The following PPIAL4G variants were observed in gnomAD, a reference collection of about 807,000 sequenced individuals.
PPIAL4G encodes the protein peptidyl-prolyl cis-trans isomerase A-like 4G.
In PPIAL4G, 3 loss-of-function variants were observed where a neutral mutation model predicts 7.8. The ratio of observed to expected loss-of-function variants is 0.39; its 90% CI spans 0.18 to 1.00. The LOEUF (loss-of-function observed/expected upper bound fraction) is 1.00. Ranked by LOEUF, PPIAL4G falls within the 50% of genes least tolerant of loss-of-function variation. PPIAL4G has a pLI of 0.37. For missense variants in PPIAL4G, 133 were observed against 208.6 expected (o/e 0.64, Z 2.23); for synonymous variants, 42 against 73.3 (o/e 0.57, Z 2.18).
Position 148,483,098 on chromosome 1 carries a change from C to A in PPIAL4G, c.155G>T (p.Cys52Phe). 1.9e-6 allele frequency: 3 copies of A among 1,613,404 alleles called. No homozygotes were observed. The highest frequency in any genetic ancestry group is 2.5e-6 in the Non-Finnish European group (3 of 1,179,872). Residue 52 changes from cysteine to phenylalanine, a missense_variant, in exon 1 of 1, where the codon TGC (cysteine) becomes TTC (phenylalanine). Cys to Phe is a radical substitution (Grantham distance 205). This residue lies in a region of PPIAL4G where 105 missense variants were observed against 107.1 expected (regional missense o/e 0.98). Transcript: ENST00000419275. Reference sequence around the variant, plus strand: ...AAACCCTGGAATAATTCTGTGAAAGCAGGAACCCTTATAACGAAATCCTTT... The same window carrying A: ...AAACCCTGGAATAATTCTGTGAAAGAAGGAACCCTTATAACGAAATCCTTT... ...GEKGFRYKGSCFHRIIPGFMC... is the reference protein window; with the variant it reads ...GEKGFRYKGSFFHRIIPGFMC...
At position 148,482,598 on chromosome 1, in the gene PPIAL4G, C is replaced by G. The variant is rs1553321399; in HGVS notation, c.*160G>C. ...TCATAAACTTAACTCTGCAATCCAG[C>G]TAGGCATGGAAGGGAACAAGGAAAA... On this transcript the variant is annotated 3_prime_UTR_variant, in exon 1 of 1. Transcript: ENST00000419275. 3 of 1,287,076 alleles carry G rather than the reference C, an allele frequency of 2.3e-6. No homozygotes were observed. The highest frequency in any genetic ancestry group is 3.2e-6 in the Non-Finnish European group (3 of 943,736). 79.7% of individuals were successfully genotyped at this position (1,287,076 alleles called of 1,614,324 possible).
In PPIAL4G at chr1:148,482,578, A is replaced by T; in HGVS notation, c.*180T>A. On this transcript the variant is annotated 3_prime_UTR_variant, in exon 1 of 1. Transcript: ENST00000419275. ...ACTTAGTTTTTATTTCATAATCATA[A>T]ACTTAACTCTGCAATCCAGCTAGGC... The T allele has an allele frequency of 7.5e-7, 1 of 1,336,296 alleles. No individual in the cohort carries two copies. Among genetic ancestry groups the T allele is most frequent in the East Asian group, 2.3e-5 (1 of 43,002 alleles). The allele number at this position is 1,336,296 out of a possible 1,614,324, so 82.8% of individuals were successfully genotyped here.
Position 148,483,182 on chromosome 1 carries a change from T to A in PPIAL4G, c.71A>T (p.Gln24Leu), listed in dbSNP as rs6604516. 1.9e-4 allele frequency: 314 copies of A among 1,613,600 alleles called. 2 individuals carry two copies. The African/African-American group carries it at 3.4e-3, about 17-fold the overall frequency. Reference protein sequence around the residue: ...GKPLGRISIKQFADKIPKTAE... With the variant: ...GKPLGRISIKLFADKIPKTAE... ...TGTCTTTGGAATCTTGTCTGCAAAC[T>A]GTTTGATGGAGATGCGGCCCAAGGG... The change falls in exon 1 of 1, where the codon CAG (glutamine) becomes CTG (leucine). Residue 24 changes from glutamine (Q) to leucine (L), a missense_variant. By Grantham distance (113) the Gln-to-Leu change is moderately radical (BLOSUM62 -2). Around this residue, in one of 2 missense-constraint regions of PPIAL4G, gnomAD observed 105 missense variants for 107.1 expected, o/e 0.98. Coordinates refer to ENST00000419275, the MANE Select transcript of PPIAL4G (RefSeq NM_001123068.3).
rs782191172 is a variant in PPIAL4G at position 148,483,060 on chromosome 1, C to A, written c.193G>T (p.Gly65Cys). 1.2e-6 allele frequency: 2 copies of A among 1,613,286 alleles called. No individual in the cohort carries two copies. Among genetic ancestry groups the A allele is most frequent in the Non-Finnish European group, 1.7e-6 (2 of 1,179,874 alleles). ...GTGCCATTAGGGTGTGTGAAGTCAC[C>A]ACCCTGACACATAAACCCTGGAATA... ...RIIPGFMCQG[G>C]DFTHPNGTGD... Residue 65 changes from glycine to cysteine, a missense_variant, in exon 1 of 1, where the codon GGT becomes TGT. By Grantham distance (159) the Gly-to-Cys change is radical. This residue lies in a region of PPIAL4G where 105 missense variants were observed against 107.1 expected (regional missense o/e 0.98). Coordinates refer to ENST00000419275, the MANE Select transcript of PPIAL4G (RefSeq NM_001123068.3).
In PPIAL4G at chr1:148,483,031, AC is replaced by A. The variant is rs1651923830; in HGVS notation, c.221del (p.Gly74ValfsTer59). 1 of 1,612,990 alleles carries A rather than the reference AC, an allele frequency of 6.2e-7. No homozygotes were observed. The highest frequency in any genetic ancestry group is 1.3e-5 in the African/African-American group (1 of 74,860). On this transcript the variant is annotated frameshift_variant, in exon 1 of 1. Coordinates refer to ENST00000419275, the MANE Select transcript of PPIAL4G (RefSeq NM_001123068.3). LOFTEE classifies it high-confidence loss of function. ...GGDFTHPNGTGDKSIYGEKFD... is the reference protein window; with the variant it reads ...GGDFTHPNGTXDKSIYGEKFD... ...ATTTCTCCCCATAGATGGACTTGTC[AC>A]CGGTGCCATTAGGGTGTGTGAAGTC... is the stretch of plus-strand genomic sequence containing the variant.
At position 148,483,046 on chromosome 1, in the gene PPIAL4G, G is replaced by A. The variant is rs1394926657; in HGVS notation, c.207C>T (p.His69=). 25 of 1,613,176 alleles carry A rather than the reference G, an allele frequency of 1.5e-5. No homozygotes were observed. Among genetic ancestry groups the A allele is most frequent in the Non-Finnish European group, 2.1e-5 (25 of 1,179,884 alleles). The part of the protein sequence containing the change: ...GFMCQGGDFT[H]PNGTGDKSIY... ...TGGACTTGTCACCGGTGCCATTAGG[G>A]TGTGTGAAGTCACCACCCTGACACA... The change falls in exon 1 of 1, where the codon CAC becomes CAT. Residue 69 remains histidine (H), a synonymous_variant. Coordinates refer to ENST00000419275, the MANE Select transcript of PPIAL4G (RefSeq NM_001123068.3).
chr1:148,483,024 A>G lies in PPIAL4G; in HGVS notation c.229T>C (p.Ser77Pro), dbSNP rs1181336776. The G allele has an allele frequency of 7.8e-5, 126 of 1,612,886 alleles. No homozygotes were observed. The highest frequency in any genetic ancestry group is 5.6e-4 in the Middle Eastern group (3 of 5,370). Reference protein sequence around the residue: ...FTHPNGTGDKSIYGEKFDDEN... With the variant: ...FTHPNGTGDKPIYGEKFDDEN... ...TCATCAAATTTCTCCCCATAGATGG[A>G]CTTGTCACCGGTGCCATTAGGGTGT... Residue 77 changes from serine to proline, a missense_variant, in exon 1 of 1, where the codon TCC becomes CCC. This residue lies in a region of PPIAL4G where 105 missense variants were observed against 107.1 expected (regional missense o/e 0.98). Coordinates refer to ENST00000419275, the MANE Select transcript of PPIAL4G (RefSeq NM_001123068.3).
At position 148,483,282 on chromosome 1, in the gene PPIAL4G, C is replaced by T. The variant is rs7513869; in HGVS notation, c.-30G>A. ...GATAGTACAGGGCTCACAGCGATGG[C>T]GGCGTCTGCAAAGATAACCACTGAT... On this transcript the variant is annotated 5_prime_UTR_variant, in exon 1 of 1. Transcript: ENST00000419275. The T allele has an allele frequency of 1.0e-4, 165 of 1,612,994 alleles. No homozygotes were observed. The highest frequency in any genetic ancestry group is 1.2e-4 in the Non-Finnish European group (139 of 1,179,898).
In PPIAL4G at chr1:148,483,260, A is replaced by G; in HGVS notation, c.-8T>C. 1.2e-6 allele frequency: 2 copies of G among 1,613,606 alleles called. No individual in the cohort carries two copies. The highest frequency in any genetic ancestry group is 1.1e-5 in the South Asian group (1 of 91,054). On this transcript the variant is annotated 5_prime_UTR_variant, in exon 1 of 1. Transcript: ENST00000419275. ...GATGACGGAGTTGACCATGGCTGAT[A>G]GTACAGGGCTCACAGCGATGGCGGC...
Position 148,483,293 on chromosome 1 carries a change from A to G in PPIAL4G, c.-41T>C. ...GCTCACAGCGATGGCGGCGTCTGCA[A>G]AGATAACCACTGATCTTTTTACTGT... On this transcript the variant is annotated 5_prime_UTR_variant, in exon 1 of 1. Coordinates refer to ENST00000419275, the MANE Select transcript of PPIAL4G (RefSeq NM_001123068.3). 1 of 1,612,786 alleles carries G rather than the reference A, an allele frequency of 6.2e-7. No individual in the cohort carries two copies. Among genetic ancestry groups the G allele is most frequent in the Middle Eastern group, 2.0e-4 (1 of 5,070 alleles).
In PPIAL4G at chr1:148,483,253, G is replaced by A; in HGVS notation, c.-1C>T. Reference sequence around the variant, plus strand: ...CAAAAAAGATGACGGAGTTGACCATGGCTGATAGTACAGGGCTCACAGCGA... The same window carrying A: ...CAAAAAAGATGACGGAGTTGACCATAGCTGATAGTACAGGGCTCACAGCGA... On this transcript the variant is annotated 5_prime_UTR_variant, in exon 1 of 1. Transcript: ENST00000419275. 6.2e-7 allele frequency: 1 copy of A among 1,613,648 alleles called. No homozygotes were observed. The highest frequency in any genetic ancestry group is 8.5e-7 in the Non-Finnish European group (1 of 1,179,902).
chr1:148,483,059 C>T lies in PPIAL4G; in HGVS notation c.194G>A (p.Gly65Asp), dbSNP rs1427007247. Residue 65 changes from glycine (G) to aspartate (D), a missense_variant, in exon 1 of 1, where the codon GGT (glycine) becomes GAT (aspartate). Physicochemically the swap from Gly to Asp is moderately conservative, Grantham distance 94 (BLOSUM62 -1). Transcript: ENST00000419275. Reference protein sequence around the residue: ...RIIPGFMCQGGDFTHPNGTGD... With the variant: ...RIIPGFMCQGDDFTHPNGTGD... The stretch of plus-strand genomic sequence containing the variant: ...GGTGCCATTAGGGTGTGTGAAGTCA[C>T]CACCCTGACACATAAACCCTGGAAT... 2 of 1,613,290 alleles carry T rather than the reference C, an allele frequency of 1.2e-6. No homozygotes were observed. Among genetic ancestry groups the T allele is most frequent in the Non-Finnish European group, 1.7e-6 (2 of 1,179,864 alleles).
rs1171962121 is a variant in PPIAL4G at position 148,483,289 on chromosome 1, T to C, written c.-37A>G. 2 of 1,612,882 alleles carry C rather than the reference T, an allele frequency of 1.2e-6. No individual in the cohort carries two copies. Among genetic ancestry groups the C allele is most frequent in the East Asian group, 4.5e-5 (2 of 44,880 alleles). Reference sequence around the variant, plus strand: ...CAGGGCTCACAGCGATGGCGGCGTCTGCAAAGATAACCACTGATCTTTTTA... The same window carrying C: ...CAGGGCTCACAGCGATGGCGGCGTCCGCAAAGATAACCACTGATCTTTTTA... On this transcript the variant is annotated 5_prime_UTR_variant, in exon 1 of 1. Transcript: ENST00000419275.
Position 148,483,300 on chromosome 1 carries a change from C to A in PPIAL4G, c.-48G>T. On this transcript the variant is annotated 5_prime_UTR_variant, in exon 1 of 1. Coordinates refer to ENST00000419275, the MANE Select transcript of PPIAL4G (RefSeq NM_001123068.3). ...GCGATGGCGGCGTCTGCAAAGATAA[C>A]CACTGATCTTTTTACTGTCTTTATA... The A allele has an allele frequency of 6.2e-7, 1 of 1,612,484 alleles. No homozygotes were observed.
In PPIAL4G at chr1:148,483,131, G is replaced by T; in HGVS notation, c.122C>A (p.Thr41Asn). Residue 41 changes from threonine to asparagine, a missense_variant, in exon 1 of 1, where the codon ACT becomes AAT. Physicochemically the swap from Thr to Asn is moderately conservative, Grantham distance 65. Around this residue, in one of 2 missense-constraint regions of PPIAL4G, gnomAD observed 105 missense variants for 107.1 expected, o/e 0.98. Coordinates refer to ENST00000419275, the MANE Select transcript of PPIAL4G (RefSeq NM_001123068.3). ...CTTATAACGAAATCCTTTCTCTCCA[G>T]TGCTCAGAGCACGAAAGTTTTCTGC... ...KTAENFRALS[T>N]GEKGFRYKGS... is the part of the protein sequence containing the mutation. 1 of 1,613,678 alleles carries T rather than the reference G, an allele frequency of 6.2e-7. No homozygotes were observed. The highest frequency in any genetic ancestry group is 1.1e-5 in the South Asian group (1 of 91,060).
At position 148,483,216 on chromosome 1, in the gene PPIAL4G, C is replaced by A. The variant is rs1300939193; in HGVS notation, c.37G>T (p.Asp13Tyr). ...NSVIFFDITV[D>Y]GKPLGRISIK... ...GAGATGCGGCCCAAGGGCTTGCCGT[C>A]GACGGTGATGTCAAAAAAGATGACG... The change falls in exon 1 of 1, where the codon GAC becomes TAC. Residue 13 changes from aspartate to tyrosine, a missense_variant. Asp to Tyr is a radical substitution (Grantham distance 160). Transcript: ENST00000419275. 6 of 1,613,662 alleles carry A rather than the reference C, an allele frequency of 3.7e-6. No homozygotes were observed. Among genetic ancestry groups the A allele is most frequent in the East Asian group, 2.2e-5 (1 of 44,888 alleles).
chr1:148,483,202 C>G lies in PPIAL4G; in HGVS notation c.51G>C (p.Leu17Phe). 3 of 1,613,862 alleles carry G rather than the reference C, an allele frequency of 1.9e-6. No homozygotes were observed. The highest frequency in any genetic ancestry group is 2.5e-6 in the Non-Finnish European group (3 of 1,179,868). The change falls in exon 1 of 1, where the codon TTG (leucine) becomes TTC (phenylalanine). Residue 17 changes from leucine to phenylalanine, a missense_variant. This residue lies in a region of PPIAL4G where 105 missense variants were observed against 107.1 expected (regional missense o/e 0.98). Transcript: ENST00000419275. Reference sequence around the variant, plus strand: ...CAAACTGTTTGATGGAGATGCGGCCCAAGGGCTTGCCGTCGACGGTGATGT... The same window carrying G: ...CAAACTGTTTGATGGAGATGCGGCCGAAGGGCTTGCCGTCGACGGTGATGT... ...FFDITVDGKP[L>F]GRISIKQFAD...
chr1:148,483,142 A>G lies in PPIAL4G; in HGVS notation c.111T>C (p.Arg37=). Residue 37 remains arginine (R), a synonymous_variant, in exon 1 of 1, where the codon CGT becomes CGC. Coordinates refer to ENST00000419275, the MANE Select transcript of PPIAL4G (RefSeq NM_001123068.3). ...ATCCTTTCTCTCCAGTGCTCAGAGC[A>G]CGAAAGTTTTCTGCTGTCTTTGGAA... ...DKIPKTAENF[R]ALSTGEKGFR... 1 of 1,613,788 alleles carries G rather than the reference A, an allele frequency of 6.2e-7. No homozygotes were observed. Among genetic ancestry groups the G allele is most frequent in the Non-Finnish European group, 8.5e-7 (1 of 1,179,870 alleles).
rs1398891679 is a variant in PPIAL4G, at chr1:148,483,218, A to G, written c.35T>C (p.Val12Ala). The change falls in exon 1 of 1, where the codon GTC becomes GCC. Residue 12 changes from valine (V) to alanine (A), a missense_variant. This residue lies in a region of PPIAL4G where 105 missense variants were observed against 107.1 expected (regional missense o/e 0.98). Coordinates refer to ENST00000419275, the MANE Select transcript of PPIAL4G (RefSeq NM_001123068.3). ...VNSVIFFDIT[V>A]DGKPLGRISI... ...GATGCGGCCCAAGGGCTTGCCGTCG[A>G]CGGTGATGTCAAAAAAGATGACGGA... is the stretch of plus-strand genomic sequence containing the variant. 2.7e-5 allele frequency: 43 copies of G among 1,613,794 alleles called. No homozygotes were observed. The African/African-American group carries it at 4.9e-4, about 19-fold the overall frequency.
Sources: allele counts gnomAD v4.1 joint callset, GRCh38; gene constraint gnomAD v4.1.1; regional missense constraint gnomAD v4.1.1; transcripts MANE v1.5; gene names NCBI Gene and HGNC (gene_info 2026-07-23, HGNC 2026-07-21).